Variants in CHCHD3 observed in about 807,000 individuals in gnomAD.
The protein encoded by CHCHD3 is coiled-coil-helix-coiled-coil-helix domain containing 3, also known as MICOS complex subunit MIC19.
A neutral mutation model predicts 38.2 loss-of-function variants in CHCHD3; 20 were observed. That is an observed-to-expected ratio of 0.52 (90% CI 0.37 to 0.76). The LOEUF (loss-of-function observed/expected upper bound fraction) is 0.76. Ranked by LOEUF, CHCHD3 falls within the 30% of genes least tolerant of loss-of-function variation. CHCHD3 has a pLI of 0.00. For synonymous variants in CHCHD3, 82 were observed against 100.0 expected, an observed-to-expected ratio of 0.82 and a Z score of 1.07; for missense variants, 245 against 279.2, an observed-to-expected ratio of 0.88 and a Z score of 0.87.
At chr7:132,875,602 C>G (rs1808876317) in intron 5 of CHCHD3, among the ~76,000 whole-genome samples, 1 of 152,142 alleles carries the variant, frequency 6.6e-6, no homozygotes, top group African/African-American at 2.4e-5. Flanking sequence ...CTCCATGGGC[C>G]CATTGCGCCA....
chr7:132,802,313 C>T (rs529105033), intron 6 of CHCHD3, among the ~76,000 whole-genome samples: 18 of 152,142 alleles, frequency 1.2e-4, no homozygotes, highest in African/African-American at 3.4e-4. Context: ...CACCCTGACA[C>T]GATGGGACTC....
chr7:133,034,697 C>G (rs1584660646), intron 2 of CHCHD3: 15 of 1,613,202 alleles, frequency 9.3e-6, no homozygotes, highest in African/African-American at 5.3e-5. Context: ...GCGTCTGGGT[C>G]TCCTCTCTGC....
At position 132,985,184 on chromosome 7, in the gene CHCHD3, C is replaced by T. The variant is rs1812066144; in HGVS notation, c.252-9898G>A. 2.7e-5 allele frequency among the ~76,000 whole-genome samples: 2 copies of T among 75,212 alleles called. 1 individual carries two copies. The highest frequency in any genetic ancestry group is 2.9e-4 in the Admixed American group (2 of 6,950). 49.3% of individuals were successfully genotyped at this position (75,212 alleles called of 152,430 possible). On this transcript the variant is annotated intron_variant, in intron 3 of 7. Transcript: ENST00000262570. ...AGTCCCTCTGCCCGGCCAGCCGCCC[C>T]GTCCGGAAGGGAGGTGGGGGGGTTA...
chr7:132,971,236 C>G (rs1201864109), intron 4 of CHCHD3, among the ~76,000 whole-genome samples: 13 of 152,224 alleles, frequency 8.5e-5, no homozygotes, highest in Admixed American at 2.0e-4. Flanking sequence ...TTTCCTGATC[C>G]TAAGAAGCAT....
chr7:132,899,693 C>T (rs1443939273), intron 4 of CHCHD3, among the ~76,000 whole-genome samples: 1 of 152,136 alleles, frequency 6.6e-6, no homozygotes, highest in Non-Finnish European at 1.5e-5. Flanking sequence ...GAAAAAGCAA[C>T]AAAATAGGCA....
At position 133,050,572 on chromosome 7, in the gene CHCHD3, C is replaced by T. The variant is rs143539063; in HGVS notation, c.169+19570G>A. 3.3e-5 allele frequency among the ~76,000 whole-genome samples: 5 copies of T among 152,146 alleles called. No homozygotes were observed. In the East Asian group the frequency reaches 9.7e-4, roughly 29 times the overall value. ...CTGAATGTAAGCTTCAAGAATATTG[C>T]TACCAATTCATTTCACTTAAATTTT... On this transcript the variant is annotated intron_variant, in intron 2 of 7. Transcript: ENST00000262570.
chr7:133,069,999 CA>C, intron 2 of CHCHD3, 142 bp downstream of exon 2: 2 of 610,094 alleles, frequency 3.3e-6, no homozygotes, highest in Non-Finnish European at 5.7e-6. Context: ...AAAGAAACCC[CA>C]ATACTGATTT....
intron 6 of CHCHD3, among the ~76,000 whole-genome samples, chr7:132,834,950 T>TTATTTATA (rs1807740702): frequency 2.4e-5 from 2 of 82,566 alleles, no homozygotes; most frequent in African/African-American, 7.4e-5. Flanking sequence ...TTCCTCTCAT[T>TTATTTATA]TATTTATTTA....
intron 2 of CHCHD3, among the ~76,000 whole-genome samples, chr7:133,062,890 A>C (rs989205980): frequency 3.3e-5 from 5 of 152,164 alleles, no homozygotes; most frequent in African/African-American, 1.2e-4. Flanking sequence ...TGAAGACATA[A>C]TATAAAGCAG....
At chr7:132,880,163 A>G (rs1211961399) in intron 5 of CHCHD3, among the ~76,000 whole-genome samples, 1 of 152,202 alleles carries the variant, frequency 6.6e-6, no homozygotes, top group African/African-American at 2.4e-5. Flanking sequence ...TACATACAGA[A>G]TGAACATCTT....
intron 5 of CHCHD3, among the ~76,000 whole-genome samples, chr7:132,862,400 A>C (rs4728271): frequency 0.23 from 35,111 of 152,126 alleles, 4,236 homozygotes; most frequent in South Asian, 0.26. Context: ...CATGTTTATA[A>C]TACACTGTAG....
At chr7:132,996,964 C>A (rs1812436569) in intron 3 of CHCHD3, among the ~76,000 whole-genome samples, 2 of 152,208 alleles carry the variant, frequency 1.3e-5, no homozygotes, top group Admixed American at 1.3e-4. Flanking sequence ...TCTACTTATA[C>A]AAATAAAACT....
chr7:133,056,901 G>A (rs1304241895), intron 2 of CHCHD3, among the ~76,000 whole-genome samples: 2 of 152,114 alleles, frequency 1.3e-5, no homozygotes, highest in South Asian at 2.1e-4. Context: ...ACTATTAAAT[G>A]GCAAAAGCCC....
intron 4 of CHCHD3, among the ~76,000 whole-genome samples, chr7:132,917,519 A>G (rs1454853674): frequency 3.3e-5 from 5 of 152,104 alleles, no homozygotes; most frequent in South Asian, 2.1e-4. Context: ...GTTCATTTTA[A>G]TTTTTGAACC....
chr7:132,878,656 C>A (rs1450112947), intron 5 of CHCHD3, among the ~76,000 whole-genome samples: 1 of 152,178 alleles, frequency 6.6e-6, no homozygotes, highest in African/African-American at 2.4e-5. Flanking sequence ...ATGCAAATTG[C>A]TGCTGAAATC....
chr7:132,951,690 T>G (rs1471018145), intron 4 of CHCHD3, among the ~76,000 whole-genome samples: 1 of 152,226 alleles, frequency 6.6e-6, no homozygotes, highest in Non-Finnish European at 1.5e-5. Flanking sequence ...GCTATAGGAC[T>G]GGATATCAAA....
Position 133,081,727 on chromosome 7 carries a change from C to T in CHCHD3, c.81+130G>A, listed in dbSNP as rs1815175551. The T allele has an allele frequency of 4.8e-6, 4 of 837,698 alleles. No homozygotes were observed. In the East Asian group the frequency reaches 1.1e-4, roughly 23 times the overall value. The allele number at this position is 837,698 out of a possible 1,614,324, so 51.9% of individuals were successfully genotyped here. The stretch of plus-strand genomic sequence containing the variant: ...TTGAAACTCTAGGCTTCTTCCCAGA[C>T]ACCTGGGCTTCTGGCCTTAATACGC... On this transcript the variant is annotated intron_variant, in intron 1 of 7. Transcript: ENST00000262570.
rs535397583 is a variant in CHCHD3, at chr7:132,872,065, G to C, written c.453+13597C>G. Among the ~76,000 whole-genome samples the C allele has an allele frequency of 5.3e-5, 8 of 152,320 alleles. No homozygotes were observed. In the East Asian group the frequency reaches 1.5e-3, roughly 29 times the overall value. On this transcript the variant is annotated intron_variant, in intron 5 of 7. Transcript: ENST00000262570. The stretch of plus-strand genomic sequence containing the variant: ...GGACAAGAATCTGCCATCGAGGAAG[G>C]TTAAAAGTACGGCTGGCTTGAGGGT...
At chr7:132,785,701 A>G in intron 7 of CHCHD3, 41 bp from the exon 8 acceptor site, 1 of 1,603,056 alleles carries the variant, frequency 6.2e-7, no homozygotes, top group Non-Finnish European at 8.5e-7. Context: ...CCACCGGGAG[A>G]GGACAAAAAA....
Sources: allele counts gnomAD v4.1 joint callset (sites outside exome capture counted in the v4.1 genomes callset), GRCh38; gene constraint gnomAD v4.1.1; transcripts MANE v1.5; gene names NCBI Gene and HGNC (gene_info 2026-07-23, HGNC 2026-07-21).